The following OR10J1 variants were observed in gnomAD, a reference collection of about 807,000 sequenced individuals.
OR10J1 encodes olfactory receptor 10J1.
For synonymous variants in OR10J1, 202 were observed against 143.8 expected (o/e 1.40, Z -2.89); for missense variants, 474 against 376.6 (o/e 1.26, Z -2.14).
chr1:159,414,469 A>G, the OR10J1 span, among the ~76,000 whole-genome samples: 3 of 152,216 alleles, frequency 2.0e-5, no homozygotes, highest in Non-Finnish European at 2.9e-5. Flanking sequence ...TACATACCAC[A>G]TTTACTTTGT....
At chr1:159,408,358 C>T in the OR10J1 span, among the ~76,000 whole-genome samples, 10 of 151,262 alleles carry the variant, frequency 6.6e-5, no homozygotes, top group African/African-American at 2.2e-4. Flanking sequence ...AGTAAACTAT[C>T]GCAAGAACAA....
At chr1:159,432,428 C>T in the OR10J1 span, 13 of 405,304 alleles carry the variant, frequency 3.2e-5, no homozygotes, top group Non-Finnish European at 4.8e-5. Flanking sequence ...CCTATTATAC[C>T]GTGGCCATCA....
the OR10J1 span, among the ~76,000 whole-genome samples, chr1:159,400,785 C>T: frequency 6.6e-6 from 1 of 151,798 alleles, no homozygotes; most frequent in Admixed American, 6.6e-5. Context: ...TAGATATTTA[C>T]AGAACATTTC....
At chr1:159,411,207 A>G in the OR10J1 span, among the ~76,000 whole-genome samples, 1 of 152,170 alleles carries the variant, frequency 6.6e-6, no homozygotes, top group African/African-American at 2.4e-5. Context: ...GTAGATGTCT[A>G]TTAGGTTCAC....
chr1:159,405,073 G>A, the OR10J1 span, among the ~76,000 whole-genome samples: 1 of 152,050 alleles, frequency 6.6e-6, no homozygotes. Flanking sequence ...TAGGGTGAGG[G>A]TGATGCCTAC....
the OR10J1 span, among the ~76,000 whole-genome samples, chr1:159,420,669 G>A: frequency 6.6e-6 from 1 of 151,884 alleles, no homozygotes; most frequent in Admixed American, 6.6e-5. Flanking sequence ...AACTTTGTTA[G>A]GCATAAAATC....
the OR10J1 span, chr1:159,432,259 T>A: frequency 5.0e-6 from 2 of 400,960 alleles, no homozygotes; most frequent in Non-Finnish European, 8.8e-6. Flanking sequence ...GGTTTCTCCA[T>A]TTTTGAGTGG....
the OR10J1 span, among the ~76,000 whole-genome samples, chr1:159,416,184 T>C: frequency 6.6e-6 from 1 of 152,112 alleles, no homozygotes; most frequent in South Asian, 2.1e-4. Flanking sequence ...TTTTCTCTTG[T>C]TTGATTGCTC....
chr1:159,430,329 C>T, the OR10J1 span, among the ~76,000 whole-genome samples: 1 of 152,158 alleles, frequency 6.6e-6, no homozygotes, highest in South Asian at 2.1e-4. Flanking sequence ...GATTGTGACA[C>T]TCAGCATTTC....
At chr1:159,413,775 C>A in the OR10J1 span, among the ~76,000 whole-genome samples, 1 of 151,142 alleles carries the variant, frequency 6.6e-6, no homozygotes, top group Non-Finnish European at 1.5e-5. Flanking sequence ...ACCAGCATGG[C>A]ACATGTACAC....
the OR10J1 span, among the ~76,000 whole-genome samples, chr1:159,402,946 A>G: frequency 6.6e-6 from 1 of 152,116 alleles, no homozygotes; most frequent in East Asian, 1.9e-4. Context: ...GAGAACCCAC[A>G]AACAAATCCA....
At chr1:159,412,792 C>T in the OR10J1 span, among the ~76,000 whole-genome samples, 2 of 151,580 alleles carry the variant, frequency 1.3e-5, no homozygotes, top group African/African-American at 4.9e-5. Context: ...GACTTCATGT[C>T]TAAAACACCA....
At chr1:159,405,713 T>C in the OR10J1 span, 3 of 690,202 alleles carry the variant, frequency 4.3e-6, no homozygotes, top group Non-Finnish European at 7.6e-6. Context: ...GTGTAGATGA[T>C]GAGGTCATAG....
At chr1:159,400,711 T>C in the OR10J1 span, among the ~76,000 whole-genome samples, 1 of 151,794 alleles carries the variant, frequency 6.6e-6, no homozygotes. Context: ...GGACAGATCT[T>C]CCAGACAGAA....
At chr1:159,422,142 A>G in the OR10J1 span, among the ~76,000 whole-genome samples, 6 of 152,070 alleles carry the variant, frequency 3.9e-5, 1 homozygote, top group Non-Finnish European at 2.9e-5. Flanking sequence ...AAACACTGTT[A>G]GGCTGGGCTG....
At chr1:159,404,338 G>A in the OR10J1 span, among the ~76,000 whole-genome samples, 5 of 152,030 alleles carry the variant, frequency 3.3e-5, no homozygotes, top group African/African-American at 1.2e-4. Context: ...AGACAATCCA[G>A]GAATGAATAT....
chr1:159,408,801 T>C, the OR10J1 span, among the ~76,000 whole-genome samples: 1 of 151,792 alleles, frequency 6.6e-6, no homozygotes, highest in Non-Finnish European at 1.5e-5. Context: ...AATAGTAACA[T>C]CCCGAAAAAT....
chr1:159,409,072 C>A, the OR10J1 span, among the ~76,000 whole-genome samples: 4 of 152,050 alleles, frequency 2.6e-5, no homozygotes, highest in Admixed American at 2.6e-4. Context: ...ATTGTGTGAG[C>A]TGAATGAGCC....
chr1:159,432,376 C>T, the OR10J1 span: 55 of 402,542 alleles, frequency 1.4e-4, no homozygotes, highest in South Asian at 3.7e-4. Context: ...CAACTTCACA[C>T]GCCCATGTAT....
Sources: gnomAD v4.1 joint callset for allele counts (sites outside exome capture counted in the v4.1 genomes callset) on GRCh38, gnomAD v4.1.1 for gene constraint, MANE v1.5 for transcripts, NCBI Gene and HGNC (gene_info 2026-07-23, HGNC 2026-07-21) for gene names.